The following PLB1 variants were observed in gnomAD, a reference collection of about 807,000 sequenced individuals.
The protein encoded by PLB1 is phospholipase B1, membrane-associated.
Under a neutral mutation model 227.4 loss-of-function variants are expected in PLB1, and 242 were observed. The observed-to-expected ratio is 1.06, with a 90% confidence interval of 0.96 to 1.18. The LOEUF is 1.18. PLB1 is among the 50% of genes most tolerant of loss of function. The pLI is 0.00. For missense variants in PLB1, 1,858 were observed against 1,816.3 expected, an observed-to-expected ratio of 1.02 and a Z score of -0.42; for synonymous variants, 757 against 682.2, an observed-to-expected ratio of 1.11 and a Z score of -1.71.
At chr2:28,569,971 AAAAAAAAAGAAAG>A (rs1304316252) in intron 20 of PLB1, among the ~76,000 whole-genome samples, 2 of 129,574 alleles carry the variant, frequency 1.5e-5, no homozygotes, top group Non-Finnish European at 3.6e-5. Flanking sequence ...ATCTCAAAAA[AAAAAAAAAGAAAG>A]AAAAAAGAAA....
At chr2:28,568,367 A>G (rs1023024779) in intron 20 of PLB1, among the ~76,000 whole-genome samples, 1 of 152,250 alleles carries the variant, frequency 6.6e-6, no homozygotes. Context: ...TAATTTACAA[A>G]GGATTGAGAC....
At chr2:28,580,932 A>C (rs1301063171) in intron 23 of PLB1, among the ~76,000 whole-genome samples, 2 of 152,086 alleles carry the variant, frequency 1.3e-5, no homozygotes, top group Non-Finnish European at 2.9e-5. Flanking sequence ...CAGGCCCCTC[A>C]CAACCCACTT....
At chr2:28,598,544 G>A (rs920121037) in intron 34 of PLB1, 108 bp from the exon 35 acceptor site, 7 of 821,056 alleles carry the variant, frequency 8.5e-6, no homozygotes, top group Non-Finnish European at 1.5e-5. Context: ...CAGGAAGCAT[G>A]AGGATGATAA....
chr2:28,533,579 C>T (rs547945244), intron 9 of PLB1, among the ~76,000 whole-genome samples: 2 of 152,358 alleles, frequency 1.3e-5, no homozygotes, highest in African/African-American at 4.8e-5. Flanking sequence ...TTGCTGCATT[C>T]TTCTATGTAT....
intron 4 of PLB1, among the ~76,000 whole-genome samples, chr2:28,522,178 A>C (rs185867425): frequency 2.4e-4 from 37 of 152,014 alleles, no homozygotes; most frequent in Admixed American, 2.1e-3. Flanking sequence ...GCACTGGATG[A>C]AGCTGGCCAG....
At chr2:28,642,070 C>G (rs1181314107) in intron 57 of PLB1, among the ~76,000 whole-genome samples, 1 of 152,196 alleles carries the variant, frequency 6.6e-6, no homozygotes, top group Non-Finnish European at 1.5e-5. Flanking sequence ...ACATCCGCCT[C>G]CCTCCAGGTC....
At chr2:28,626,909 C>T (rs947093080) in intron 51 of PLB1, among the ~76,000 whole-genome samples, 7 of 152,198 alleles carry the variant, frequency 4.6e-5, no homozygotes, top group African/African-American at 1.4e-4. Flanking sequence ...TGGGTCATCA[C>T]GAGTTAACCA....
intron 19 of PLB1, among the ~76,000 whole-genome samples, chr2:28,565,940 A>AC (rs1676819284): frequency 6.6e-6 from 1 of 152,174 alleles, no homozygotes; most frequent in Non-Finnish European, 1.5e-5. Context: ...AAGTAACCTG[A>AC]CCAAGATCAC....
intron 34 of PLB1, among the ~76,000 whole-genome samples, chr2:28,598,303 T>C (rs1488769066): frequency 6.6e-6 from 1 of 152,210 alleles, no homozygotes; most frequent in Non-Finnish European, 1.5e-5. Context: ...GCTTGTCAGG[T>C]GACCTAGGGC....
chr2:28,542,348 G>C (rs1236070518), intron 13 of PLB1, among the ~76,000 whole-genome samples: 1 of 152,164 alleles, frequency 6.6e-6, no homozygotes, highest in Non-Finnish European at 1.5e-5. Context: ...TGTGCTGTTA[G>C]AGGCAGGGCA....
intron 1 of PLB1, among the ~76,000 whole-genome samples, chr2:28,503,130 AT>A (rs1416309858): frequency 6.6e-6 from 1 of 151,590 alleles, no homozygotes; most frequent in African/African-American, 2.4e-5. Flanking sequence ...CTACTTTATT[AT>A]TTTTTTCAAA....
Position 28,614,189 on chromosome 2 carries a change from A to C in PLB1, c.3195+93A>C, listed in dbSNP as rs1685869980. 7 of 1,217,612 alleles carry C rather than the reference A, an allele frequency of 5.7e-6. No individual in the cohort carries two copies. The South Asian group carries it at 8.5e-5, about 15-fold the overall frequency. 75.4% of individuals were successfully genotyped at this position (1,217,612 alleles called of 1,614,324 possible). On this transcript the variant is annotated intron_variant, in intron 44 of 57. Coordinates refer to ENST00000327757, the MANE Select transcript of PLB1 (RefSeq NM_153021.5). ...GGTACAGGTTTCAGAGTATTCACTG[A>C]AGCAGAAATGTACTTCTTACATACT... is the stretch of plus-strand genomic sequence containing the variant.
At position 28,573,082 on chromosome 2, in the gene PLB1, G is replaced by A. The variant is rs543509522; in HGVS notation, c.1325-115G>A. On this transcript the variant is annotated intron_variant, in intron 20 of 57. Transcript: ENST00000327757. ...CCATGCTGAGTGAAGGTTGGGGTAA[G>A]AGTAGGGGCTGCGGAGTGGGGACTC... is the stretch of plus-strand genomic sequence containing the variant. 2.8e-4 allele frequency: 210 copies of A among 758,358 alleles called. No homozygotes were observed. The African/African-American group carries it at 3.3e-3, about 12-fold the overall frequency. The allele number at this position is 758,358 out of a possible 1,614,324, so 47.0% of individuals were successfully genotyped here. A position where few individuals can be genotyped will look rare whatever the true frequency, so the allele number is the denominator to read the frequency against.
At chr2:28,546,178 T>C (rs1673235034) in intron 14 of PLB1, among the ~76,000 whole-genome samples, 1 of 152,174 alleles carries the variant, frequency 6.6e-6, no homozygotes, top group Non-Finnish European at 1.5e-5. Flanking sequence ...CGAGGAGGAT[T>C]TTGTGTCTGG....
chr2:28,590,731 G>A (rs559955338), intron 29 of PLB1, among the ~76,000 whole-genome samples: 49 of 152,206 alleles, frequency 3.2e-4, no homozygotes, highest in African/African-American at 1.2e-3. Context: ...GCCTGGGCAG[G>A]AAGGGGCCCT....
intron 57 of PLB1, among the ~76,000 whole-genome samples, chr2:28,641,233 C>T (rs1179965700): frequency 6.6e-6 from 1 of 152,194 alleles, no homozygotes; most frequent in Non-Finnish European, 1.5e-5. Context: ...GGAGGACAGT[C>T]GCTCAGGGAG....
chr2:28,636,055 GTGTGTA>G lies in PLB1; in HGVS notation c.4098+3020_4098+3025del, dbSNP rs1558975945. ...TGTGTGTGTGTGTATGTATGTGTAT[GTGTGTA>G]TGTATGTATGTATGTATGACAGAGT... On this transcript the variant is annotated intron_variant, in intron 56 of 57. Coordinates refer to ENST00000327757, the MANE Select transcript of PLB1 (RefSeq NM_153021.5). Among the ~76,000 whole-genome samples the G allele has an allele frequency of 4.1e-4, 59 of 144,188 alleles. No individual in the cohort carries two copies. The East Asian group carries it at 0.011, about 27-fold the overall frequency. 94.6% of individuals were successfully genotyped at this position (144,188 alleles called of 152,430 possible).
intron 21 of PLB1, among the ~76,000 whole-genome samples, chr2:28,574,955 C>T (rs1678680073): frequency 6.6e-6 from 1 of 152,134 alleles, no homozygotes; most frequent in Non-Finnish European, 1.5e-5. Flanking sequence ...TTTGCAATTG[C>T]AAATTGTGCT....
intron 21 of PLB1, among the ~76,000 whole-genome samples, chr2:28,575,409 G>A (rs1241838951): frequency 1.3e-5 from 2 of 152,126 alleles, no homozygotes; most frequent in African/African-American, 4.8e-5. Flanking sequence ...ACACTACCAT[G>A]TGGTTCCTAG....
Sources: gnomAD v4.1 joint callset for allele counts (sites outside exome capture counted in the v4.1 genomes callset) on GRCh38, gnomAD v4.1.1 for gene constraint, MANE v1.5 for transcripts, NCBI Gene and HGNC (gene_info 2026-07-23, HGNC 2026-07-21) for gene names.